GRIK4: variants seen among roughly 807,000 people sequenced by gnomAD.
GRIK4 encodes glutamate receptor ionotropic, kainate 4.
GRIK4 carries 40 observed loss-of-function variants against 104.9 expected under a neutral mutation model. The ratio of observed to expected loss-of-function variants is 0.38; its 90% CI spans 0.30 to 0.50. The LOEUF (loss-of-function observed/expected upper bound fraction) is 0.50. Ranked by LOEUF, GRIK4 falls within the 20% of genes least tolerant of loss-of-function variation. The pLI is 0.93. For synonymous variants in GRIK4, 485 were observed against 524.9 expected (o/e 0.92, Z 1.04); for missense variants, 1,047 against 1,308.1 (o/e 0.80, Z 3.08).
intron 18 of GRIK4, among the ~76,000 whole-genome samples, chr11:120,963,385 C>G (rs1378095685): frequency 6.6e-6 from 1 of 152,216 alleles, no homozygotes; most frequent in Admixed American, 6.5e-5. Context: ...CCTTCCCCTG[C>G]TAACAGAACC....
intron 1 of GRIK4, among the ~76,000 whole-genome samples, chr11:120,586,359 A>G (rs1371870954): frequency 6.6e-6 from 1 of 152,034 alleles, no homozygotes; most frequent in African/African-American, 2.4e-5. Flanking sequence ...AGCCGGGGGA[A>G]AGGTGCATGG....
At chr11:120,712,345 C>G (rs1171213630) in intron 3 of GRIK4, among the ~76,000 whole-genome samples, 1 of 152,162 alleles carries the variant, frequency 6.6e-6, no homozygotes, top group Non-Finnish European at 1.5e-5. Context: ...GAAAAGAAAC[C>G]AGGCCTGCTG....
chr11:120,594,345 C>T (rs1416984147), intron 1 of GRIK4, among the ~76,000 whole-genome samples: 4 of 152,118 alleles, frequency 2.6e-5, no homozygotes, highest in African/African-American at 9.7e-5. Flanking sequence ...TAGCCAGTGG[C>T]ATTTACCTGT....
intron 1 of GRIK4, among the ~76,000 whole-genome samples, chr11:120,525,596 C>T (rs901009674): frequency 2.0e-5 from 3 of 152,220 alleles, no homozygotes; most frequent in African/African-American, 4.8e-5. Flanking sequence ...AGTCAACACA[C>T]ACTCATCAGA....
chr11:120,661,694 G>A (rs1298093450), intron 3 of GRIK4, among the ~76,000 whole-genome samples: 1 of 152,226 alleles, frequency 6.6e-6, no homozygotes, highest in Non-Finnish European at 1.5e-5. Flanking sequence ...CCAGCCTGCA[G>A]GTCTGTGAGC....
At chr11:120,774,986 G>A (rs796170506) in intron 3 of GRIK4, among the ~76,000 whole-genome samples, 13 of 152,168 alleles carry the variant, frequency 8.5e-5, no homozygotes, top group African/African-American at 3.1e-4. Flanking sequence ...GGCACAGAGA[G>A]GTGTGTGTGT....
At chr11:120,562,275 C>A (rs183307181) in intron 1 of GRIK4, among the ~76,000 whole-genome samples, 1 of 152,154 alleles carries the variant, frequency 6.6e-6, no homozygotes, top group Non-Finnish European at 1.5e-5. Flanking sequence ...ACTCCAAAGC[C>A]GAGACTTTTA....
At chr11:120,635,299 A>G (rs1399024853) in intron 1 of GRIK4, among the ~76,000 whole-genome samples, 3 of 152,224 alleles carry the variant, frequency 2.0e-5, no homozygotes, top group Non-Finnish European at 4.4e-5. Context: ...TGAGTCAGCT[A>G]TGCAAATTGA....
In GRIK4 at chr11:120,723,982, C is replaced by T. The variant is rs565914243; in HGVS notation, c.82+63582C>T. Among the ~76,000 whole-genome samples, 63 of 152,024 alleles carry T rather than the reference C, an allele frequency of 4.1e-4. 2 individuals carry two copies. The South Asian group carries it at 9.9e-3, about 24-fold the overall frequency. On this transcript the variant is annotated intron_variant, in intron 3 of 20. Coordinates refer to ENST00000527524, the MANE Select transcript of GRIK4 (RefSeq NM_014619.5). Reference sequence around the variant, plus strand: ...CAGCCCCCTCTCCCTACCCCCTGCTCTTGGCAACCACTGATCTGTTTTCTG... The same window carrying T: ...CAGCCCCCTCTCCCTACCCCCTGCTTTTGGCAACCACTGATCTGTTTTCTG...
intron 4 of GRIK4, among the ~76,000 whole-genome samples, chr11:120,808,295 G>A (rs1351273180): frequency 6.6e-6 from 1 of 152,172 alleles, no homozygotes; most frequent in Admixed American, 6.5e-5. Context: ...ATGGGAATAA[G>A]AAGAGTTCTC....
chr11:120,978,933 T>C (rs1346209306), intron 19 of GRIK4, among the ~76,000 whole-genome samples: 1 of 152,148 alleles, frequency 6.6e-6, no homozygotes. Flanking sequence ...GACTAGAAAA[T>C]TTCCATTAGG....
chr11:120,620,187 A>G lies in GRIK4; in HGVS notation c.-158-33498A>G, dbSNP rs892593285. Reference sequence around the variant, plus strand: ...CATGTTCTCTTTTTACAATAAATTCATGACCATCAGATGATATCAATTTGA... The same window carrying G: ...CATGTTCTCTTTTTACAATAAATTCGTGACCATCAGATGATATCAATTTGA... On this transcript the variant is annotated intron_variant, in intron 1 of 20. Transcript: ENST00000527524. 28 of 812,962 alleles carry G rather than the reference A, an allele frequency of 3.4e-5. 1 individual carries two copies. Among genetic ancestry groups the G allele is most frequent in the Non-Finnish European group, 5.8e-5 (26 of 448,876 alleles). 50.4% of individuals were successfully genotyped at this position (812,962 alleles called of 1,614,324 possible).
chr11:120,645,911 AGCAGGTGG>A (rs1238279718), intron 1 of GRIK4, among the ~76,000 whole-genome samples: 1 of 152,234 alleles, frequency 6.6e-6, no homozygotes, highest in African/African-American at 2.4e-5. Flanking sequence ...TGCTGAGCAC[AGCAGGTGG>A]GCCTTGTTTG....
intron 1 of GRIK4, among the ~76,000 whole-genome samples, chr11:120,566,968 A>ATT (rs572433053): frequency 0.039 from 3,888 of 99,672 alleles, 703 homozygotes; most frequent in African/African-American, 0.18. Context: ...CGGCCTCCTA[A>ATT]TTTTTTTTTT....
chr11:120,768,670 T>A (rs933897475), intron 3 of GRIK4, among the ~76,000 whole-genome samples: 2 of 152,244 alleles, frequency 1.3e-5, no homozygotes, highest in Non-Finnish European at 2.9e-5. Flanking sequence ...TGAGTTTAGC[T>A]ATGGGTTTTT....
At chr11:120,552,787 G>A (rs979119134) in intron 1 of GRIK4, among the ~76,000 whole-genome samples, 1 of 152,104 alleles carries the variant, frequency 6.6e-6, no homozygotes, top group African/African-American at 2.4e-5. Context: ...ATCACCTGAG[G>A]TAAGGGGTTA....
At chr11:120,871,524 A>T (rs1242185157) in intron 9 of GRIK4, 1 of 443,696 alleles carries the variant, frequency 2.3e-6, no homozygotes, top group East Asian at 7.1e-5. Flanking sequence ...GCAAGACTGC[A>T]GAGGTGTGCA....
chr11:120,832,125 C>T (rs1462309777), intron 7 of GRIK4, 95 bp downstream of exon 7: 8 of 773,952 alleles, frequency 1.0e-5, no homozygotes, highest in East Asian at 2.6e-5. Context: ...GACGGAGCCC[C>T]GGGCTGGACC....
At position 120,909,815 on chromosome 11, in the gene GRIK4, A is replaced by G. The variant is rs75205594; in HGVS notation, c.1476+4322A>G. Among the ~76,000 whole-genome samples the G allele has an allele frequency of 7.3e-3, 1,115 of 152,310 alleles. 10 individuals carry two copies. The highest frequency in any genetic ancestry group is 0.025 in the African/African-American group (1,038 of 41,566). ...AGGCCCAGGGTTATCTCCAGTGGAA[A>G]TTGTAGAGCCTCAGTCTTTTCACAT... On this transcript the variant is annotated intron_variant, in intron 13 of 20. Coordinates refer to ENST00000527524, the MANE Select transcript of GRIK4 (RefSeq NM_014619.5).
Sources: gnomAD v4.1 joint callset for allele counts (sites outside exome capture counted in the v4.1 genomes callset) on GRCh38, gnomAD v4.1.1 for gene constraint, MANE v1.5 for transcripts, NCBI Gene and HGNC (gene_info 2026-07-23, HGNC 2026-07-21) for gene names.